The following DGKH variants were observed in gnomAD, a reference collection of about 807,000 sequenced individuals.
DGKH encodes DAG kinase eta.
Under a neutral mutation model 159.3 loss-of-function variants are expected in DGKH, and 90 were observed. That is an observed-to-expected ratio of 0.57 (90% CI 0.48 to 0.67). The LOEUF (loss-of-function observed/expected upper bound fraction) is 0.67, where lower values mean the gene tolerates loss of function less well. DGKH is among the 30% of genes least tolerant of loss of function. The probability of loss-of-function intolerance (pLI) is 0.00; values close to 1 mark genes in which losing one functional copy is unlikely to be tolerated. For missense variants in DGKH, 1,181 were observed against 1,506.1 expected, an observed-to-expected ratio of 0.78 and a Z score of 3.57; for synonymous variants, 536 against 553.8, an observed-to-expected ratio of 0.97 and a Z score of 0.45.
At chr13:42,151,442 G>T (rs1327740768) in intron 3 of DGKH, among the ~76,000 whole-genome samples, 2 of 147,270 alleles carry the variant, frequency 1.4e-5, no homozygotes, top group Non-Finnish European at 3.0e-5. Context: ...CAGAAGACAT[G>T]ATTTTATTCT....
intron 3 of DGKH, among the ~76,000 whole-genome samples, chr13:42,137,299 A>G (rs1955421037): frequency 6.6e-6 from 1 of 152,234 alleles, no homozygotes; most frequent in South Asian, 2.1e-4. Context: ...ATAATCACTG[A>G]CAAGTAAGTT....
rs1958479099 is a variant in DGKH, at chr13:42,239,555, T to C, written c.*10367T>C. On this transcript the variant is annotated 3_prime_UTR_variant, in exon 30 of 30. Coordinates refer to ENST00000337343, the MANE Select transcript of DGKH (RefSeq NM_178009.5). The stretch of plus-strand genomic sequence containing the variant: ...CATTTTATGCTGTGTTTCTCATTAG[T>C]TGCAGTAAAGTGTTGATTTCATTGC... 6.6e-6 allele frequency: 1 copy of C among 152,664 alleles called. No individual in the cohort carries two copies. Among genetic ancestry groups the C allele is most frequent in the African/African-American group, 2.4e-5 (1 of 41,482 alleles). The allele number at this position is 152,664 out of a possible 1,614,324, so 9.5% of individuals were successfully genotyped here.
chr13:42,114,758 GA>G (rs1823730429), intron 1 of DGKH, among the ~76,000 whole-genome samples: 2 of 152,224 alleles, frequency 1.3e-5, no homozygotes, highest in Admixed American at 1.3e-4. Flanking sequence ...TTAAGATTTA[GA>G]AAACTTTAGA....
intron 29 of DGKH, among the ~76,000 whole-genome samples, chr13:42,248,412 C>T (rs970727637): frequency 7.4e-5 from 11 of 147,880 alleles, no homozygotes; most frequent in Non-Finnish European, 7.4e-5. Context: ...GGTAACAGAG[C>T]GAGACACCGT....
chr13:42,160,718 T>C (rs1956159447), intron 7 of DGKH, among the ~76,000 whole-genome samples: 1 of 152,238 alleles, frequency 6.6e-6, no homozygotes, highest in Non-Finnish European at 1.5e-5. Context: ...ATCTCAGCAC[T>C]GGGCGATGCT....
intron 12 of DGKH, among the ~76,000 whole-genome samples, chr13:42,174,603 A>T (rs1956553888): frequency 6.6e-6 from 1 of 152,246 alleles, no homozygotes; most frequent in Admixed American, 6.5e-5. Flanking sequence ...TTGTTTGATT[A>T]TAAGATGTTA....
chr13:42,219,819 A>C, intron 28 of DGKH, 25 bp downstream of exon 28: 1 of 1,592,106 alleles, frequency 6.3e-7, no homozygotes, highest in East Asian at 2.2e-5. Context: ...TGGAAGGGGA[A>C]ATATAACATT....
In DGKH at chr13:42,216,744, C is replaced by A. The variant is rs374924229; in HGVS notation, c.3213+1077C>A. The A allele has an allele frequency of 3.9e-5, 6 of 152,274 alleles. No individual in the cohort carries two copies. The East Asian group carries it at 1.2e-3, about 29-fold the overall frequency. The allele number at this position is 152,274 out of a possible 1,614,324, so 9.4% of individuals were successfully genotyped here. A position where few individuals can be genotyped will look rare whatever the true frequency, so the allele number is the denominator to read the frequency against. On this transcript the variant is annotated intron_variant, in intron 26 of 29. Coordinates refer to ENST00000337343, the MANE Select transcript of DGKH (RefSeq NM_178009.5). The stretch of plus-strand genomic sequence containing the variant: ...AAGAGGTGACTGGCTCTACTATGGC[C>A]ATGAAGAAAACCTTTTACGAAGAAA...
At chr13:42,161,377 G>A (rs1043374923) in intron 7 of DGKH, among the ~76,000 whole-genome samples, 5 of 152,324 alleles carry the variant, frequency 3.3e-5, no homozygotes, top group East Asian at 1.9e-4. Context: ...GGCCGGGCGC[G>A]GTGGCTCACA....
intron 24 of DGKH, among the ~76,000 whole-genome samples, chr13:42,212,727 A>G (rs1957687250): frequency 6.6e-6 from 1 of 152,158 alleles, no homozygotes. Flanking sequence ...TAGGCTGGGG[A>G]TACAAGATGA....
At position 42,048,712 on chromosome 13, in the gene DGKH, C is replaced by T; in HGVS notation, c.-62C>T. 8.1e-7 allele frequency: 1 copy of T among 1,237,480 alleles called. No individual in the cohort carries two copies. The highest frequency in any genetic ancestry group is 1.0e-6 in the Non-Finnish European group (1 of 985,294). The allele number at this position is 1,237,480 out of a possible 1,614,324, so 76.7% of individuals were successfully genotyped here. On this transcript the variant is annotated 5_prime_UTR_variant, in exon 1 of 30. Coordinates refer to ENST00000337343, the MANE Select transcript of DGKH (RefSeq NM_178009.5). The surrounding 1 kb of genome is among the most constrained non-coding windows in gnomAD (Gnocchi z 6.7). Reference sequence around the variant, plus strand: ...CCGGGCTCCGCTCGGGCAGAGCCCACCCGCTGACCAACGCCGCCGCCCCCG... The same window carrying T: ...CCGGGCTCCGCTCGGGCAGAGCCCATCCGCTGACCAACGCCGCCGCCCCCG...
intron 1 of DGKH, among the ~76,000 whole-genome samples, chr13:42,054,179 C>G (rs1008210582): frequency 6.6e-6 from 1 of 152,050 alleles, no homozygotes; most frequent in African/African-American, 2.4e-5. Context: ...AGGTGGCAGC[C>G]CATTACTGGG....
At chr13:42,065,685 TGAGC>T (rs1882511184) in intron 1 of DGKH, among the ~76,000 whole-genome samples, 1 of 152,078 alleles carries the variant, frequency 6.6e-6, no homozygotes, top group East Asian at 1.9e-4. Flanking sequence ...GAGGCGAATA[TGAGC>T]ATATGTGAGA....
rs1593961846 is a variant in DGKH at position 42,058,420 on chromosome 13, A to G, written c.192+9455A>G. ...ATACACAATATAATTCCACAGTAATATTGAACTCTTGAATATAAACCAGCT... is the reference window on the plus strand; with the variant it reads ...ATACACAATATAATTCCACAGTAATGTTGAACTCTTGAATATAAACCAGCT... On this transcript the variant is annotated intron_variant, in intron 1 of 29. Coordinates refer to ENST00000337343, the MANE Select transcript of DGKH (RefSeq NM_178009.5). Among the ~76,000 whole-genome samples, 3 of 152,210 alleles carry G rather than the reference A, an allele frequency of 2.0e-5. No homozygotes were observed. In the South Asian group the frequency reaches 6.2e-4, roughly 31 times the overall value.
chr13:42,178,260 G>A, intron 13 of DGKH, 40 bp downstream of exon 13: 1 of 1,470,950 alleles, frequency 6.8e-7, no homozygotes, highest in Non-Finnish European at 9.3e-7. Flanking sequence ...TGGTGAAAAT[G>A]AAATGATAGC....
At chr13:42,206,203 A>G in intron 21 of DGKH, 57 bp downstream of exon 21, 1 of 1,200,012 alleles carries the variant, frequency 8.3e-7, no homozygotes, top group Non-Finnish European at 1.1e-6. Flanking sequence ...CACTGGAATA[A>G]TTTGCTTTTG....
chr13:42,146,331 A>G (rs1202957712), intron 3 of DGKH, among the ~76,000 whole-genome samples: 5 of 152,190 alleles, frequency 3.3e-5, no homozygotes, highest in Admixed American at 3.3e-4. Flanking sequence ...ATATCAGGAC[A>G]CACACTTTAT....
At chr13:42,052,257 A>G (rs1440994648) in intron 1 of DGKH, among the ~76,000 whole-genome samples, 2 of 152,190 alleles carry the variant, frequency 1.3e-5, no homozygotes, top group Non-Finnish European at 1.5e-5. Flanking sequence ...AACTCCATAC[A>G]GTATACTTTT....
intron 29 of DGKH, among the ~76,000 whole-genome samples, chr13:42,224,498 C>G (rs371824): frequency 0.68 from 103,210 of 152,080 alleles, 35,242 homozygotes; most frequent in East Asian, 0.88. Context: ...CGCTGCCACT[C>G]TGTCTTCACA....
Sources: gnomAD v4.1 joint callset for allele counts (sites outside exome capture counted in the v4.1 genomes callset) on GRCh38, gnomAD v4.1.1 for gene constraint, Gnocchi (gnomAD v3.1) non-coding constraint, MANE v1.5 for transcripts, NCBI Gene and HGNC (gene_info 2026-07-23, HGNC 2026-07-21) for gene names.